Variants in SCN8A observed in about 807,000 individuals in gnomAD.
SCN8A encodes the protein sodium channel protein type 8 subunit alpha.
In SCN8A, 30 loss-of-function variants were observed where a neutral mutation model predicts 184.1. The ratio of observed to expected loss-of-function variants is 0.16; its 90% CI spans 0.12 to 0.22. SCN8A has a LOEUF of 0.22. Ranked by LOEUF, SCN8A falls within the 10% of genes least tolerant of loss-of-function variation. The probability of loss-of-function intolerance (pLI) is 1.00; values close to 1 mark genes in which losing one functional copy is unlikely to be tolerated. For synonymous variants in SCN8A, 852 were observed against 907.0 expected, an observed-to-expected ratio of 0.94 and a Z score of 1.09; for missense variants, 1,057 against 2,498.9, an observed-to-expected ratio of 0.42 and a Z score of 12.30.
At chr12:51,780,141 T>G in intron 20 of SCN8A, 1 of 428,136 alleles carries the variant, frequency 2.3e-6, no homozygotes, top group Non-Finnish European at 4.7e-6. Flanking sequence ...CAATGGTGAA[T>G]GAGCTGAGGA....
intron 8 of SCN8A, among the ~76,000 whole-genome samples, chr12:51,702,046 A>G (rs913606597): frequency 1.3e-5 from 2 of 152,098 alleles, no homozygotes; most frequent in African/African-American, 4.8e-5. Flanking sequence ...ACTTCTGGCC[A>G]GGCGCGGTGG....
At chr12:51,712,502 G>T (rs1327017096) in intron 11 of SCN8A, 16 of 770,746 alleles carry the variant, frequency 2.1e-5, no homozygotes, top group Non-Finnish European at 3.6e-5. Flanking sequence ...TCCACCACTA[G>T]ATGCATAACC....
chr12:51,757,069 A>C (rs1942686852), intron 14 of SCN8A, among the ~76,000 whole-genome samples: 1 of 152,110 alleles, frequency 6.6e-6, no homozygotes, highest in South Asian at 2.1e-4. Context: ...AATACTTGTC[A>C]CATGATTTTT....
chr12:51,685,654 C>T lies in SCN8A; in HGVS notation c.396-714C>T, dbSNP rs550214840. Among the ~76,000 whole-genome samples, 12 of 152,274 alleles carry T rather than the reference C, an allele frequency of 7.9e-5. No homozygotes were observed. In the South Asian group the frequency reaches 8.3e-4, roughly 11 times the overall value. Reference sequence around the variant, plus strand: ...TCCTTGAAATCTTTACCTAACACGCCGCAGCTGGTTTCCCACATTGGACAT... The same window carrying T: ...TCCTTGAAATCTTTACCTAACACGCTGCAGCTGGTTTCCCACATTGGACAT... On this transcript the variant is annotated intron_variant, in intron 3 of 26. Transcript: ENST00000627620.
intron 11 of SCN8A, among the ~76,000 whole-genome samples, chr12:51,721,084 TATATA>T (rs1359138824): frequency 3.7e-4 from 23 of 62,700 alleles, no homozygotes; most frequent in African/African-American, 1.2e-3. Flanking sequence ...AAAAAAATTA[TATATA>T]TATATATATA....
Position 51,807,553 on chromosome 12 carries a change from ACGT to A in SCN8A, c.*129_*131del, listed in dbSNP as rs1938745282. 2.8e-6 allele frequency: 3 copies of A among 1,069,784 alleles called. No individual in the cohort carries two copies. Among genetic ancestry groups the A allele is most frequent in the Non-Finnish European group, 4.1e-6 (3 of 724,200 alleles). 66.3% of individuals were successfully genotyped at this position (1,069,784 alleles called of 1,614,324 possible). On this transcript the variant is annotated 3_prime_UTR_variant, in exon 27 of 27. Coordinates refer to ENST00000627620, the MANE Select transcript of SCN8A (RefSeq NM_001330260.2). This position sits in a 1 kb window ranked among gnomAD's most constrained non-coding sequence, Gnocchi z 4.5. ...ACTCTAACCTGAAGATCTATACCAA[ACGT>A]CGTCTGCTTACCACGTAACACAGCT...
In SCN8A at chr12:51,699,589, T is replaced by A. The variant is rs779319824; in HGVS notation, c.726T>A (p.Gly242=). 2.6e-5 allele frequency: 42 copies of A among 1,613,296 alleles called. No homozygotes were observed. Among genetic ancestry groups the A allele is most frequent in the Non-Finnish European group, 3.3e-5 (39 of 1,179,500 alleles). The change falls in exon 7 of 27, where the codon GGT becomes GGA. Residue 242 remains glycine, a synonymous_variant. Transcript: ENST00000627620. Reference sequence around the variant, plus strand: ...CCTCAGGCCTGAAGACAATTGTGGGTGCCCTGATTCAGTCTGTGAAGAAAC... The same window carrying A: ...CCTCAGGCCTGAAGACAATTGTGGGAGCCCTGATTCAGTCTGTGAAGAAAC... ...SVIPGLKTIV[G]ALIQSVKKLS...
At chr12:51,774,466 T>A (rs1046724142) in intron 20 of SCN8A, 104 bp downstream of exon 20, 11 of 1,075,676 alleles carry the variant, frequency 1.0e-5, no homozygotes, top group Admixed American at 4.7e-5. Flanking sequence ...AGGTTATAGA[T>A]CAAGATGTAG....
At chr12:51,701,340 G>A (rs1173576405) in intron 8 of SCN8A, 133 bp downstream of exon 8, 3 of 472,934 alleles carry the variant, frequency 6.3e-6, no homozygotes, top group Admixed American at 4.1e-5. Flanking sequence ...TGACCTATCG[G>A]TTGGCATAGA....
chr12:51,760,934 G>A (rs1430145916), intron 14 of SCN8A, among the ~76,000 whole-genome samples: 4 of 152,164 alleles, frequency 2.6e-5, no homozygotes, highest in African/African-American at 4.8e-5. Flanking sequence ...TTTCCAAACA[G>A]CATCTATAAT....
intron 9 of SCN8A, among the ~76,000 whole-genome samples, chr12:51,703,195 G>A (rs543958552): frequency 6.6e-6 from 1 of 152,126 alleles, no homozygotes; most frequent in African/African-American, 2.4e-5. Context: ...TTCATCCTCT[G>A]CAGCATATCT....
At chr12:51,626,057 G>C (rs942331946) in intron 1 of SCN8A, among the ~76,000 whole-genome samples, 1 of 152,206 alleles carries the variant, frequency 6.6e-6, no homozygotes, top group African/African-American at 2.4e-5. Flanking sequence ...ACCAGTTTCA[G>C]TCAGGAGGCA....
chr12:51,696,494 T>C (rs1373994950), intron 6 of SCN8A, among the ~76,000 whole-genome samples: 1 of 152,248 alleles, frequency 6.6e-6, no homozygotes, highest in Non-Finnish European at 1.5e-5. Flanking sequence ...ATTCCACCAG[T>C]ACCTTCTTAC....
intron 1 of SCN8A, among the ~76,000 whole-genome samples, chr12:51,646,288 A>G (rs1018885839): frequency 6.6e-6 from 1 of 152,198 alleles, no homozygotes; most frequent in Non-Finnish European, 1.5e-5. Flanking sequence ...AAAGAGTTAG[A>G]TGGTAAATAT....
intron 21 of SCN8A, among the ~76,000 whole-genome samples, chr12:51,786,110 T>C (rs1938077369): frequency 6.6e-6 from 1 of 152,212 alleles, no homozygotes; most frequent in South Asian, 2.1e-4. Flanking sequence ...CAACGGGTAG[T>C]TCTCTGTGAT....
At chr12:51,792,283 C>T (rs1428364120) in intron 25 of SCN8A, among the ~76,000 whole-genome samples, 2 of 146,810 alleles carry the variant, frequency 1.4e-5, no homozygotes, top group Non-Finnish European at 3.0e-5. Context: ...GAGTTCTAGA[C>T]CAGCCTGGGC....
intron 1 of SCN8A, among the ~76,000 whole-genome samples, chr12:51,624,604 C>T (rs1940036127): frequency 6.6e-6 from 1 of 151,964 alleles, no homozygotes; most frequent in Non-Finnish European, 1.5e-5. Context: ...TGTGCAGAAG[C>T]TCTTTAGTTT....
intron 2 of SCN8A, among the ~76,000 whole-genome samples, chr12:51,681,703 A>G (rs1216205423): frequency 6.6e-6 from 1 of 152,230 alleles, no homozygotes; most frequent in Non-Finnish European, 1.5e-5. Context: ...AATGTCAAAC[A>G]CTAGGGATGG....
chr12:51,700,852 C>G (rs773869622), intron 7 of SCN8A, among the ~76,000 whole-genome samples: 1 of 152,054 alleles, frequency 6.6e-6, no homozygotes. Flanking sequence ...CTTTTAGGTC[C>G]CTTTGATTCA....
Sources: gnomAD v4.1 joint callset for allele counts (sites outside exome capture counted in the v4.1 genomes callset) on GRCh38, gnomAD v4.1.1 for gene constraint, Gnocchi (gnomAD v3.1) non-coding constraint, MANE v1.5 for transcripts, NCBI Gene and HGNC (gene_info 2026-07-23, HGNC 2026-07-21) for gene names.